The following ADAMTSL1 variants were observed in gnomAD, a reference collection of about 807,000 sequenced individuals.
ADAMTSL1 encodes ADAMTS like 1.
In ADAMTSL1, 126 loss-of-function variants were observed where a neutral mutation model predicts 201.8. The ratio of observed to expected loss-of-function variants is 0.62; its 90% CI spans 0.54 to 0.72. The LOEUF is 0.72. Ranked by LOEUF, ADAMTSL1 falls within the 30% of genes least tolerant of loss-of-function variation. The pLI is 0.00. For missense variants in ADAMTSL1, 2,679 were observed against 2,277.8 expected (o/e 1.18, Z -3.59); for synonymous variants, 1,121 against 903.4 (o/e 1.24, Z -4.32).
rs1289598648 is a variant in ADAMTSL1, at chr9:18,688,116, A to ATG, written c.1574+3318_1574+3319dup. On this transcript the variant is annotated intron_variant, in intron 13 of 28. Coordinates refer to ENST00000380548, the MANE Select transcript of ADAMTSL1 (RefSeq NM_001040272.6). ...TTGTGATGAATACATATATGTATGT[A>ATG]TGTATATATATATATATATATATAG... 2.5e-4 allele frequency among the ~76,000 whole-genome samples: 19 copies of ATG among 76,608 alleles called. No homozygotes were observed. In the South Asian group the frequency reaches 3.6e-3, roughly 15 times the overall value. 50.3% of individuals were successfully genotyped at this position (76,608 alleles called of 152,430 possible).
intron 2 of ADAMTSL1, among the ~76,000 whole-genome samples, chr9:18,318,111 A>C (rs1394496220): frequency 6.6e-6 from 1 of 152,188 alleles, no homozygotes; most frequent in Non-Finnish European, 1.5e-5. Flanking sequence ...AATGTAAAGC[A>C]TGTCTCATGA....
chr9:18,272,002 C>T (rs187347336), intron 2 of ADAMTSL1, among the ~76,000 whole-genome samples: 4,491 of 150,396 alleles, frequency 0.03, 213 homozygotes, highest in African/African-American at 0.069. Context: ...TCATATCCTT[C>T]GCCCACTTTT....
chr9:17,953,794 G>T (rs1216243860), intron 1 of ADAMTSL1, among the ~76,000 whole-genome samples: 1 of 152,176 alleles, frequency 6.6e-6, no homozygotes, highest in Non-Finnish European at 1.5e-5. Flanking sequence ...AAGCTTAGTG[G>T]TTTAAACAGC....
chr9:17,974,117 T>A (rs1818335887), intron 1 of ADAMTSL1, among the ~76,000 whole-genome samples: 1 of 152,036 alleles, frequency 6.6e-6, no homozygotes, highest in East Asian at 1.9e-4. Flanking sequence ...GAGCTATCTA[T>A]GAGAAACCCA....
At chr9:18,286,086 C>A (rs867960911) in intron 2 of ADAMTSL1, among the ~76,000 whole-genome samples, 1 of 152,006 alleles carries the variant, frequency 6.6e-6, no homozygotes, top group Non-Finnish European at 1.5e-5. Flanking sequence ...TTGCTAAGTA[C>A]TGTTTAAATA....
intron 2 of ADAMTSL1, among the ~76,000 whole-genome samples, chr9:18,222,814 A>G (rs1830315533): frequency 6.6e-6 from 1 of 151,948 alleles, no homozygotes; most frequent in Admixed American, 6.6e-5. Context: ...ATTCTTGAAA[A>G]GTAGTTTTCC....
intron 6 of ADAMTSL1, 67 bp downstream of exon 6, chr9:18,636,084 C>T: frequency 2.3e-6 from 3 of 1,310,042 alleles, no homozygotes; most frequent in Non-Finnish European, 3.1e-6. Context: ...TTTTGTCTTC[C>T]CAGAAAAGAT....
chr9:18,894,172 T>TGGCACAATCAGACTTTTAAGATTA (rs1829467484), intron 26 of ADAMTSL1, among the ~76,000 whole-genome samples: 1 of 152,158 alleles, frequency 6.6e-6, no homozygotes, highest in South Asian at 2.1e-4. Context: ...TAAGAAGGAA[T>TGGCACAATCAGACTTTTAAGATTA]GGCACAATCA....
At chr9:18,260,964 A>G (rs1288079801) in intron 2 of ADAMTSL1, among the ~76,000 whole-genome samples, 2 of 149,272 alleles carry the variant, frequency 1.3e-5, no homozygotes, top group African/African-American at 2.5e-5. Context: ...GTTGTATGTA[A>G]GTAGAGATTC....
At chr9:18,764,092 G>A (rs976812980) in intron 16 of ADAMTSL1, among the ~76,000 whole-genome samples, 5 of 151,906 alleles carry the variant, frequency 3.3e-5, no homozygotes, top group Non-Finnish European at 5.9e-5. Context: ...GGGTAGTAAG[G>A]GTATTTTACC....
intron 1 of ADAMTSL1, among the ~76,000 whole-genome samples, chr9:18,015,017 A>G (rs1820200207): frequency 6.6e-6 from 1 of 152,130 alleles, no homozygotes; most frequent in Admixed American, 6.6e-5. Flanking sequence ...AATAGCAATC[A>G]TAGCAGAAGT....
chr9:18,816,045 CAT>C (rs1366652719), intron 20 of ADAMTSL1, among the ~76,000 whole-genome samples: 2 of 152,140 alleles, frequency 1.3e-5, no homozygotes, highest in Non-Finnish European at 1.5e-5. Context: ...GAAATATACA[CAT>C]AGTCACCCTA....
chr9:17,948,817 G>A (rs1563914261), intron 1 of ADAMTSL1, among the ~76,000 whole-genome samples: 1 of 152,162 alleles, frequency 6.6e-6, no homozygotes, highest in Non-Finnish European at 1.5e-5. Context: ...AAATGTAATG[G>A]GCAGGATGCC....
At chr9:17,967,287 T>G (rs1487433321) in intron 1 of ADAMTSL1, among the ~76,000 whole-genome samples, 1 of 152,106 alleles carries the variant, frequency 6.6e-6, no homozygotes, top group Non-Finnish European at 1.5e-5. Context: ...TCTGGCAACT[T>G]ATAGTAATTT....
intron 14 of ADAMTSL1, among the ~76,000 whole-genome samples, chr9:18,714,933 G>T (rs1254905280): frequency 5.4e-5 from 8 of 148,358 alleles, no homozygotes; most frequent in Non-Finnish European, 7.5e-5. Context: ...GGGATGCAAG[G>T]CTGGTTCAAT....
At position 18,900,977 on chromosome 9, in the gene ADAMTSL1, C is replaced by T. The variant is rs535301766; in HGVS notation, c.4852-4805C>T. On this transcript the variant is annotated intron_variant, in intron 26 of 28. Transcript: ENST00000380548. ...GTAAAAATATAAGGACAGCCAAAAACAAAAGAGAGTCTGGTGCCTCCCTCC... is the reference window on the plus strand; with the variant it reads ...GTAAAAATATAAGGACAGCCAAAAATAAAAGAGAGTCTGGTGCCTCCCTCC... Among the ~76,000 whole-genome samples, 30 of 152,056 alleles carry T rather than the reference C, an allele frequency of 2.0e-4. No individual in the cohort carries two copies. In the East Asian group the frequency reaches 5.0e-3, roughly 25 times the overall value.
chr9:18,389,783 C>A (rs1837967435), intron 2 of ADAMTSL1, among the ~76,000 whole-genome samples: 1 of 151,642 alleles, frequency 6.6e-6, no homozygotes, highest in African/African-American at 2.4e-5. Flanking sequence ...AAAGTAAATC[C>A]CATAAAGAGA....
intron 2 of ADAMTSL1, among the ~76,000 whole-genome samples, chr9:18,339,299 GA>G (rs1563897207): frequency 6.6e-6 from 1 of 152,076 alleles, no homozygotes; most frequent in African/African-American, 2.4e-5. Context: ...CAAAGGACAT[GA>G]ACAGACACTT....
chr9:18,454,500 CAAGTCAACACCT>C (rs1360105634), intron 2 of ADAMTSL1, among the ~76,000 whole-genome samples: 2 of 152,126 alleles, frequency 1.3e-5, no homozygotes, highest in Non-Finnish European at 2.9e-5. Flanking sequence ...TTAATCCAGT[CAAGTCAACACCT>C]AAAATTACCC....
Sources: gnomAD v4.1 joint callset for allele counts (sites outside exome capture counted in the v4.1 genomes callset) on GRCh38, gnomAD v4.1.1 for gene constraint, MANE v1.5 for transcripts, NCBI Gene and HGNC (gene_info 2026-07-23, HGNC 2026-07-21) for gene names.